The following ITFG1 variants were observed in gnomAD, a reference collection of about 807,000 sequenced individuals.
ITFG1 encodes the protein T-cell immunomodulatory protein.
ITFG1 carries 34 observed loss-of-function variants against 81.8 expected under a neutral mutation model. The ratio of observed to expected loss-of-function variants is 0.42; its 90% confidence interval spans 0.32 to 0.55. ITFG1 has a LOEUF of 0.55. ITFG1 is among the 20% of genes least tolerant of loss of function. The probability of loss-of-function intolerance (pLI) is 0.17; values close to 1 mark genes in which losing one functional copy is unlikely to be tolerated. For missense variants in ITFG1, 672 were observed against 755.4 expected, an observed-to-expected ratio of 0.89 and a Z score of 1.29; for synonymous variants, 285 against 270.6, an observed-to-expected ratio of 1.05 and a Z score of -0.52.
At chr16:47,164,238 C>T (rs1158409703) in intron 14 of ITFG1, among the ~76,000 whole-genome samples, 8 of 150,812 alleles carry the variant, frequency 5.3e-5, no homozygotes, top group Admixed American at 4.0e-4. Flanking sequence ...GCAGCAGTTG[C>T]CCCAGGGTCT....
rs542845362 is a variant in ITFG1 at position 47,328,894 on chromosome 16, T to G, written c.803-15071A>C. Among the ~76,000 whole-genome samples, 4 of 152,260 alleles carry G rather than the reference T, an allele frequency of 2.6e-5. No homozygotes were observed. In the South Asian group the frequency reaches 8.3e-4, roughly 32 times the overall value. On this transcript the variant is annotated intron_variant, in intron 8 of 17. Transcript: ENST00000320640. Reference sequence around the variant, plus strand: ...AGCAAGAAACTGAAATACAATCCTATTTTTTGCTTTATACATTTATTCACA... The same window carrying G: ...AGCAAGAAACTGAAATACAATCCTAGTTTTTGCTTTATACATTTATTCACA...
At chr16:47,349,971 A>T (rs1175266045) in intron 8 of ITFG1, among the ~76,000 whole-genome samples, 1 of 152,244 alleles carries the variant, frequency 6.6e-6, no homozygotes, top group African/African-American at 2.4e-5. Flanking sequence ...CTAGGTAGGT[A>T]AATAACGAAA....
chr16:47,442,672 T>C (rs1232161425), intron 5 of ITFG1, among the ~76,000 whole-genome samples: 2 of 152,174 alleles, frequency 1.3e-5, no homozygotes, highest in African/African-American at 4.8e-5. Context: ...ATTTAATAAA[T>C]GGTGCTGGGA....
At chr16:47,330,572 A>G (rs1967623532) in intron 8 of ITFG1, among the ~76,000 whole-genome samples, 1 of 152,166 alleles carries the variant, frequency 6.6e-6, no homozygotes, top group African/African-American at 2.4e-5. Flanking sequence ...TTTGCAAACT[A>G]TGCATTCTAA....
chr16:47,162,714 C>T lies in ITFG1; in HGVS notation c.1454-50G>A, dbSNP rs201888495. 23 of 1,478,218 alleles carry T rather than the reference C, an allele frequency of 1.6e-5. No homozygotes were observed. In the East Asian group the frequency reaches 5.3e-4, roughly 34 times the overall value. 91.6% of individuals were successfully genotyped at this position (1,478,218 alleles called of 1,614,324 possible). A position where few individuals can be genotyped will look rare whatever the true frequency, so the allele number is the denominator to read the frequency against. On this transcript the variant is annotated intron_variant, in intron 14 of 17. Transcript: ENST00000320640. ...ATTAAAAACATCTCTGGAAACATTG[C>T]TCCCATCAAATATTAAAATGATAAA...
intron 16 of ITFG1, 36 bp downstream of exon 16, chr16:47,161,714 G>A: frequency 8.0e-7 from 1 of 1,256,768 alleles, no homozygotes; most frequent in Admixed American, 1.7e-5. Flanking sequence ...AGAGTTAGCA[G>A]TGTCTTTACC....
chr16:47,195,231 G>A (rs1437845376), intron 14 of ITFG1, among the ~76,000 whole-genome samples: 1 of 152,118 alleles, frequency 6.6e-6, no homozygotes, highest in Non-Finnish European at 1.5e-5. Context: ...TTGAGGGCAG[G>A]GTGGTGGTGC....
intron 14 of ITFG1, among the ~76,000 whole-genome samples, chr16:47,174,882 G>T (rs76148176): frequency 1.3e-3 from 203 of 152,250 alleles, no homozygotes; most frequent in Non-Finnish European, 2.5e-3. Context: ...AACTCTACTG[G>T]CACTGCCCTG....
At chr16:47,260,732 CA>C in intron 10 of ITFG1, 37 bp from the exon 11 acceptor site, 1 of 1,608,074 alleles carries the variant, frequency 6.2e-7, no homozygotes, top group Non-Finnish European at 8.5e-7. Context: ...TTAATATAAA[CA>C]TCAACACTGT....
rs1024743606 is a variant in ITFG1 at position 47,399,458 on chromosome 16, A to G, written c.656-23518T>C. Among the ~76,000 whole-genome samples, 9 of 152,270 alleles carry G rather than the reference A, an allele frequency of 5.9e-5. No individual in the cohort carries two copies. In the East Asian group the frequency reaches 1.7e-3, roughly 29 times the overall value. On this transcript the variant is annotated intron_variant, in intron 6 of 17. Transcript: ENST00000320640. ...CGTGTTGGCGGGCATCTGTAGTCCC[A>G]GCTACTCAGGAGGCTGAGGCAGGAG...
intron 6 of ITFG1, among the ~76,000 whole-genome samples, chr16:47,421,994 C>T (rs944816144): frequency 2.6e-5 from 4 of 152,152 alleles, no homozygotes; most frequent in Admixed American, 6.5e-5. Context: ...CATGTCCCTG[C>T]GAAGGACATG....
At chr16:47,157,155 G>A (rs78165521) in intron 17 of ITFG1, among the ~76,000 whole-genome samples, 144 of 152,232 alleles carry the variant, frequency 9.5e-4, no homozygotes, top group Non-Finnish European at 1.4e-3. Flanking sequence ...TGGTTTTGAG[G>A]TGCTGTAAGT....
At chr16:47,208,693 G>A (rs1465830003) in intron 14 of ITFG1, among the ~76,000 whole-genome samples, 2 of 152,174 alleles carry the variant, frequency 1.3e-5, no homozygotes, top group African/African-American at 4.8e-5. Context: ...AAAAATACTG[G>A]AGAACGTAAT....
intron 14 of ITFG1, among the ~76,000 whole-genome samples, chr16:47,177,783 T>C (rs1274896186): frequency 6.6e-6 from 1 of 152,196 alleles, no homozygotes; most frequent in Non-Finnish European, 1.5e-5. Context: ...GCTAGAATAT[T>C]GGCCAAAGAA....
At chr16:47,162,406 A>C in intron 15 of ITFG1, 134 bp downstream of exon 15, 4 of 775,286 alleles carry the variant, frequency 5.2e-6, no homozygotes, top group Non-Finnish European at 7.6e-6. Flanking sequence ...ATTTTTCTTT[A>C]TTCTTTAAAG....
At chr16:47,429,777 G>A (rs568238401) in intron 5 of ITFG1, among the ~76,000 whole-genome samples, 49 of 152,186 alleles carry the variant, frequency 3.2e-4, no homozygotes, top group African/African-American at 1.1e-3. Context: ...TGTTATGTAT[G>A]TTATGTATTG....
intron 14 of ITFG1, among the ~76,000 whole-genome samples, chr16:47,191,916 C>G (rs1965298400): frequency 6.6e-6 from 1 of 152,164 alleles, no homozygotes; most frequent in African/African-American, 2.4e-5. Context: ...GGCTTTAGGC[C>G]CACCTCAGCC....
At chr16:47,364,144 C>T (rs1340896852) in intron 8 of ITFG1, among the ~76,000 whole-genome samples, 1 of 152,048 alleles carries the variant, frequency 6.6e-6, no homozygotes, top group Admixed American at 6.5e-5. Flanking sequence ...TACCAATATT[C>T]AACTAAAAAT....
chr16:47,292,493 A>C (rs1300084970), intron 10 of ITFG1, among the ~76,000 whole-genome samples: 1 of 152,212 alleles, frequency 6.6e-6, no homozygotes, highest in Non-Finnish European at 1.5e-5. Flanking sequence ...GTAGTAATAT[A>C]GGCTCTGTGC....
Sources: allele counts gnomAD v4.1 joint callset (sites outside exome capture counted in the v4.1 genomes callset), GRCh38; gene constraint gnomAD v4.1.1; transcripts MANE v1.5; gene names NCBI Gene and HGNC (gene_info 2026-07-23, HGNC 2026-07-21).